Variants in TUSC3 observed in about 807,000 individuals in gnomAD.
TUSC3 encodes the protein dolichyl-diphosphooligosaccharide--protein glycosyltransferase subunit TUSC3.
In TUSC3, 45 loss-of-function variants were observed where a neutral mutation model predicts 44.8. That is an observed-to-expected ratio of 1.00 (90% CI 0.79 to 1.29). The LOEUF is 1.29. TUSC3 is among the 50% of genes most tolerant of loss of function. The pLI is 0.00. For missense variants in TUSC3, 519 were observed against 437.9 expected (o/e 1.19, Z -1.65); for synonymous variants, 212 against 152.9 (o/e 1.39, Z -2.85).
intron 1 of TUSC3, among the ~76,000 whole-genome samples, chr8:15,457,336 A>G (rs1043561677): frequency 1.3e-5 from 2 of 151,856 alleles, no homozygotes; most frequent in Non-Finnish European, 2.9e-5. Flanking sequence ...TATATATTTA[A>G]AAAAACAAAA....
At chr8:15,481,338 G>C (rs1377291875) in intron 1 of TUSC3, among the ~76,000 whole-genome samples, 1 of 151,910 alleles carries the variant, frequency 6.6e-6, no homozygotes. Flanking sequence ...CCATTATTGA[G>C]GAGGTGGATT....
chr8:15,593,773 A>G (rs994194322), intron 1 of TUSC3, among the ~76,000 whole-genome samples: 2 of 151,252 alleles, frequency 1.3e-5, no homozygotes, highest in African/African-American at 4.9e-5. Context: ...CTTTTCTTTG[A>G]TTCTTTATGC....
At chr8:15,596,507 G>C (rs1481471083) in intron 1 of TUSC3, among the ~76,000 whole-genome samples, 1 of 152,114 alleles carries the variant, frequency 6.6e-6, no homozygotes, top group Non-Finnish European at 1.5e-5. Context: ...AGTATATGCG[G>C]ATTTTGGCGT....
the TUSC3 span, among the ~76,000 whole-genome samples, chr8:15,842,963 A>G: frequency 6.6e-6 from 1 of 152,224 alleles, no homozygotes; most frequent in Admixed American, 6.5e-5. Context: ...ACAGTGCTCA[A>G]TAACCATGAA....
At chr8:15,792,833 G>C in the TUSC3 span, among the ~76,000 whole-genome samples, 1 of 151,912 alleles carries the variant, frequency 6.6e-6, no homozygotes, top group Non-Finnish European at 1.5e-5. Flanking sequence ...TGCCCAAGCT[G>C]GTCTCAAACT....
intron 1 of TUSC3, among the ~76,000 whole-genome samples, chr8:15,595,675 C>G (rs553618746): frequency 6.6e-6 from 1 of 152,030 alleles, no homozygotes; most frequent in Admixed American, 6.6e-5. Flanking sequence ...TCAAAAGCAT[C>G]CAGAGATTGA....
intron 1 of TUSC3, among the ~76,000 whole-genome samples, chr8:15,478,241 C>G (rs182592236): frequency 9.5e-4 from 145 of 152,282 alleles, no homozygotes; most frequent in African/African-American, 3.3e-3. Flanking sequence ...GCTGGGATGA[C>G]AGGGGTGAGT....
intron 8 of TUSC3, among the ~76,000 whole-genome samples, chr8:15,743,984 C>A (rs547820215): frequency 6.6e-6 from 1 of 152,260 alleles, no homozygotes; most frequent in South Asian, 2.1e-4. Context: ...ATTCCCTCTG[C>A]TACAAGAATC....
chr8:15,788,513 C>T, the TUSC3 span, among the ~76,000 whole-genome samples: 2 of 148,594 alleles, frequency 1.3e-5, no homozygotes, highest in Non-Finnish European at 3.0e-5. Context: ...TGCCACTGCA[C>T]TCCAGCCTGG....
chr8:15,661,576 A>G (rs770327696), intron 4 of TUSC3, among the ~76,000 whole-genome samples: 16 of 151,944 alleles, frequency 1.1e-4, no homozygotes, highest in Non-Finnish European at 2.2e-4. Context: ...GGTGATACGA[A>G]TTTCAAATAT....
intron 1 of TUSC3, among the ~76,000 whole-genome samples, chr8:15,436,089 A>G (rs571248909): frequency 2.6e-5 from 4 of 152,262 alleles, no homozygotes; most frequent in African/African-American, 9.6e-5. Context: ...GGTACTTTGA[A>G]GTTAGCCATG....
intron 9 of TUSC3, among the ~76,000 whole-genome samples, chr8:15,753,786 C>T (rs1308349373): frequency 1.3e-5 from 2 of 151,942 alleles, no homozygotes; most frequent in African/African-American, 4.8e-5. Flanking sequence ...TTTGGACACA[C>T]CCTGAGCCAA....
intron 2 of TUSC3, among the ~76,000 whole-genome samples, chr8:15,508,266 C>G (rs1801084613): frequency 6.6e-6 from 1 of 151,850 alleles, no homozygotes; most frequent in Non-Finnish European, 1.5e-5. Context: ...AAACAAAAAA[C>G]AAAACAAAAC....
At chr8:15,570,552 C>T (rs565726795) in intron 1 of TUSC3, among the ~76,000 whole-genome samples, 14 of 152,114 alleles carry the variant, frequency 9.2e-5, no homozygotes, top group African/African-American at 3.4e-4. Flanking sequence ...GCGGATGCTA[C>T]GATTTATATT....
chr8:15,812,438 CT>C, the TUSC3 span, among the ~76,000 whole-genome samples: 1 of 151,076 alleles, frequency 6.6e-6, no homozygotes, highest in African/African-American at 2.5e-5. Context: ...ATCTATTTTC[CT>C]GTGAAGGAAA....
intron 1 of TUSC3, among the ~76,000 whole-genome samples, chr8:15,451,761 C>T (rs1800199525): frequency 6.6e-6 from 1 of 152,072 alleles, no homozygotes. Context: ...CTGAGTCCTT[C>T]ACCTGTGGGG....
At chr8:15,665,221 A>G (rs1247843806) in intron 5 of TUSC3, among the ~76,000 whole-genome samples, 1 of 151,568 alleles carries the variant, frequency 6.6e-6, no homozygotes, top group Non-Finnish European at 1.5e-5. Flanking sequence ...ATAAAACAGT[A>G]ATGAACCTTG....
the TUSC3 span, among the ~76,000 whole-genome samples, chr8:15,812,429 T>C: frequency 6.6e-6 from 1 of 151,420 alleles, no homozygotes; most frequent in South Asian, 2.1e-4. Context: ...TTTCAATATA[T>C]CTATTTTCCT....
chr8:15,659,663 T>A lies in TUSC3; in HGVS notation c.567+16T>A. 6.2e-7 allele frequency: 1 copy of A among 1,611,348 alleles called. No homozygotes were observed. Among genetic ancestry groups the A allele is most frequent in the Non-Finnish European group, 8.5e-7 (1 of 1,179,242 alleles). On this transcript the variant is annotated intron_variant, in intron 4 of 10. Coordinates refer to ENST00000503731, the MANE Select transcript of TUSC3 (RefSeq NM_006765.4). ...GGATGTTCATGTATGTTTTTATTCCTCACAGTTTTAATAATAGGCTGGTTA... is the reference window on the plus strand; with the variant it reads ...GGATGTTCATGTATGTTTTTATTCCACACAGTTTTAATAATAGGCTGGTTA...
Sources: gnomAD v4.1 joint callset for allele counts (sites outside exome capture counted in the v4.1 genomes callset) on GRCh38, gnomAD v4.1.1 for gene constraint, MANE v1.5 for transcripts, NCBI Gene and HGNC (gene_info 2026-07-23, HGNC 2026-07-21) for gene names.